Variants in ESYT2 observed in about 807,000 individuals in gnomAD.
ESYT2 encodes extended synaptotagmin-2.
A neutral mutation model predicts 107.2 loss-of-function variants in ESYT2; 54 were observed. That is an observed-to-expected ratio of 0.50 (90% CI 0.40 to 0.63). The LOEUF (loss-of-function observed/expected upper bound fraction) is 0.63, where lower values mean the gene tolerates loss of function less well. Ranked by LOEUF, ESYT2 falls within the 30% of genes least tolerant of loss-of-function variation. The pLI, the probability that ESYT2 is intolerant of heterozygous loss-of-function variation, is 0.00. For synonymous variants in ESYT2, 491 were observed against 434.1 expected (o/e 1.13, Z -1.63); for missense variants, 1,020 against 1,094.5 (o/e 0.93, Z 0.96).
chr7:158,809,197 G>A lies in ESYT2; in HGVS notation c.331-10125C>T, dbSNP rs202076958. On this transcript the variant is annotated intron_variant, in intron 1 of 22. Coordinates refer to ENST00000275418, the MANE Select transcript of ESYT2 (RefSeq NM_001367773.1). ...AAAAAATGGGCAAAAGTGACGGGGC[G>A]TGGTGCGTGGTGGCTCATACCTGTA... Among the ~76,000 whole-genome samples, 357 of 151,938 alleles carry A rather than the reference G, an allele frequency of 2.3e-3. 9 individuals carry two copies. The highest frequency in any genetic ancestry group is 3.5e-3 in the East Asian group (18 of 5,124).
intron 1 of ESYT2, among the ~76,000 whole-genome samples, chr7:158,806,135 C>CATAGGAGG (rs879897131): frequency 1.3e-5 from 2 of 148,632 alleles, no homozygotes; most frequent in African/African-American, 5.1e-5. Flanking sequence ...GTGGGAGGTG[C>CATAGGAGG]CGGGGCACAC....
chr7:158,773,464 G>A (rs763522541), intron 6 of ESYT2, 68 bp from the exon 7 acceptor site: 312 of 1,518,462 alleles, frequency 2.1e-4, no homozygotes, highest in Non-Finnish European at 2.7e-4. Context: ...GGTGCACACA[G>A]GCTTGTTTCT....
intron 1 of ESYT2, among the ~76,000 whole-genome samples, chr7:158,822,636 AAAAT>A (rs1840317292): frequency 6.6e-6 from 1 of 151,958 alleles, no homozygotes; most frequent in African/African-American, 2.4e-5. Context: ...ATAAAATTAA[AAAAT>A]AAATAAAAAT....
At chr7:158,784,741 C>T (rs1839048616) in intron 6 of ESYT2, among the ~76,000 whole-genome samples, 1 of 152,204 alleles carries the variant, frequency 6.6e-6, no homozygotes, top group Non-Finnish European at 1.5e-5. Flanking sequence ...ACATCAATTT[C>T]TGGAGTCCTT....
At chr7:158,747,589 G>A (rs564219312) in intron 16 of ESYT2, among the ~76,000 whole-genome samples, 2 of 152,148 alleles carry the variant, frequency 1.3e-5, no homozygotes, top group East Asian at 3.9e-4. Context: ...GGGCCCGCTC[G>A]ACTCACATGC....
chr7:158,765,289 A>G (rs187269627), intron 8 of ESYT2, among the ~76,000 whole-genome samples: 1 of 152,330 alleles, frequency 6.6e-6, no homozygotes, highest in East Asian at 1.9e-4. Context: ...GAGTAATAAC[A>G]TGAGAGGTTG....
chr7:158,791,970 A>G (rs547838388), intron 4 of ESYT2, among the ~76,000 whole-genome samples: 1 of 141,374 alleles, frequency 7.1e-6, no homozygotes, highest in East Asian at 2.1e-4. Flanking sequence ...TCTTTCAGCA[A>G]TATTTTAGTT....
rs138969546 is a variant in ESYT2, at chr7:158,741,684, C to G, written c.2007G>C (p.Glu669Asp). 9.3e-6 allele frequency: 15 copies of G among 1,613,978 alleles called. No homozygotes were observed. In the African/African-American group the frequency reaches 1.9e-4, roughly 20 times the overall value. Residue 669 changes from glutamate (E) to aspartate (D), a missense_variant, in exon 18 of 23, where the codon GAG (glutamate) becomes GAC (aspartate). By Grantham distance (45) the Glu-to-Asp change is conservative. Coordinates refer to ENST00000275418, the MANE Select transcript of ESYT2 (RefSeq NM_001367773.1). ...GGTCGTGCAGCCCCTGAGGGCCGGC[C>G]TCAGGGGGCTGGGCCTTTTCTTCCA... ...PGMEEKAQPP[E>D]AGPQGLHDLG...
At chr7:158,749,542 A>G (rs1233551794) in intron 15 of ESYT2, 107 bp downstream of exon 15, 1 of 997,882 alleles carries the variant, frequency 1.0e-6, no homozygotes, top group African/African-American at 1.6e-5. Context: ...TGCCCACGCT[A>G]TCACACAACT....
At chr7:158,828,345 G>C (rs778138822) in intron 1 of ESYT2, among the ~76,000 whole-genome samples, 13 of 152,256 alleles carry the variant, frequency 8.5e-5, no homozygotes, top group Non-Finnish European at 1.9e-4. Context: ...AGGGCTTTGG[G>C]AATGCGCACG....
intron 4 of ESYT2, among the ~76,000 whole-genome samples, chr7:158,791,529 C>T (rs1313626184): frequency 6.6e-5 from 10 of 152,218 alleles, no homozygotes. Context: ...TTTCACATTT[C>T]TACCAACAGT....
rs75135236 is a variant in ESYT2, at chr7:158,735,052, C to T, written c.2505+451G>A. 2.9e-4 allele frequency among the ~76,000 whole-genome samples: 44 copies of T among 152,342 alleles called. 2 individuals are homozygous for T. Among genetic ancestry groups the T allele is most frequent in the Admixed American group, 1.4e-3 (21 of 15,300 alleles). ...CGGAGATGACTCACAGAAGGGTTGGCCCATGTGCCCTCCATGGCAGCACAG... is the reference window on the plus strand; with the variant it reads ...CGGAGATGACTCACAGAAGGGTTGGTCCATGTGCCCTCCATGGCAGCACAG... On this transcript the variant is annotated intron_variant, in intron 21 of 22. Transcript: ENST00000275418.
intron 2 of ESYT2, 125 bp from the exon 3 acceptor site, chr7:158,798,201 G>C (rs1028918634): frequency 1.6e-5 from 16 of 979,722 alleles, no homozygotes; most frequent in African/African-American, 5.0e-5. Context: ...GGAGGATCTT[G>C]TTGTTATGCA....
At chr7:158,807,428 C>T (rs1191867918) in intron 1 of ESYT2, among the ~76,000 whole-genome samples, 2 of 152,038 alleles carry the variant, frequency 1.3e-5, no homozygotes, top group Non-Finnish European at 2.9e-5. Flanking sequence ...AGGAAATTAT[C>T]GCGACTTATG....
At chr7:158,750,251 G>T (rs969159906) in intron 14 of ESYT2, among the ~76,000 whole-genome samples, 1 of 151,924 alleles carries the variant, frequency 6.6e-6, no homozygotes, top group Admixed American at 6.6e-5. Flanking sequence ...AAATAATTTT[G>T]ACTGGAAGAA....
At chr7:158,808,022 A>T (rs1385458098) in intron 1 of ESYT2, among the ~76,000 whole-genome samples, 2 of 152,184 alleles carry the variant, frequency 1.3e-5, no homozygotes, top group African/African-American at 4.8e-5. Flanking sequence ...AGGTGCAGAA[A>T]AATGTCTGCC....
intron 1 of ESYT2, among the ~76,000 whole-genome samples, chr7:158,817,878 A>T (rs1340900948): frequency 6.6e-6 from 1 of 152,250 alleles, no homozygotes; most frequent in Non-Finnish European, 1.5e-5. Context: ...TGGTTCTCAA[A>T]ATGTGAGCAG....
chr7:158,801,902 T>C (rs967138294), intron 1 of ESYT2, among the ~76,000 whole-genome samples: 3 of 152,342 alleles, frequency 2.0e-5, no homozygotes, highest in Non-Finnish European at 4.4e-5. Context: ...CATTTAACTG[T>C]GCTCCAGGAA....
intron 8 of ESYT2, among the ~76,000 whole-genome samples, chr7:158,765,782 C>T (rs758895522): frequency 1.1e-3 from 173 of 151,880 alleles, no homozygotes; most frequent in Non-Finnish European, 2.1e-3. Flanking sequence ...AGTCCTTTCC[C>T]GAAAATATTG....
Sources: gnomAD v4.1 joint callset for allele counts (sites outside exome capture counted in the v4.1 genomes callset) on GRCh38, gnomAD v4.1.1 for gene constraint, MANE v1.5 for transcripts, NCBI Gene and HGNC (gene_info 2026-07-23, HGNC 2026-07-21) for gene names.